The following NRG2 variants were observed in gnomAD, a reference collection of about 807,000 sequenced individuals.
The protein encoded by NRG2 is pro-neuregulin-2, membrane-bound isoform.
NRG2 carries 27 observed loss-of-function variants against 73.9 expected under a neutral mutation model. The observed-to-expected ratio is 0.37, with a 90% CI of 0.27 to 0.50. NRG2 has a LOEUF of 0.50. Ranked by LOEUF, NRG2 falls within the 20% of genes least tolerant of loss-of-function variation. The pLI is 0.96. For synonymous variants in NRG2, 532 were observed against 541.0 expected, an observed-to-expected ratio of 0.98 and a Z score of 0.23; for missense variants, 1,126 against 1,210.1, an observed-to-expected ratio of 0.93 and a Z score of 1.03.
At chr5:139,896,093 G>A (rs1297140560) in intron 1 of NRG2, among the ~76,000 whole-genome samples, 1 of 152,122 alleles carries the variant, frequency 6.6e-6, no homozygotes, top group Admixed American at 6.5e-5. Flanking sequence ...GTTGGGGAAA[G>A]GGGGAGGCAC....
chr5:140,039,808 G>T (rs140737417), intron 1 of NRG2, among the ~76,000 whole-genome samples: 1 of 152,292 alleles, frequency 6.6e-6, no homozygotes, highest in East Asian at 1.9e-4. Flanking sequence ...AACCTCAGTT[G>T]CTCAATGTAA....
intron 1 of NRG2, among the ~76,000 whole-genome samples, chr5:139,957,580 C>T (rs1754734351): frequency 6.6e-6 from 1 of 152,178 alleles, no homozygotes; most frequent in Admixed American, 6.5e-5. Context: ...ACCTCTTCCC[C>T]ACTCTGTTCC....
At position 139,894,588 on chromosome 5, in the gene NRG2, G is replaced by A. The variant is rs909029556; in HGVS notation, c.701-7077C>T. On this transcript the variant is annotated intron_variant, in intron 1 of 9. Coordinates refer to ENST00000361474, the MANE Select transcript of NRG2 (RefSeq NM_004883.3). This position sits in a 1 kb window ranked among gnomAD's most constrained non-coding sequence, Gnocchi z 5.0. The stretch of plus-strand genomic sequence containing the variant: ...CTCACAGGACAGACTCCCAAAGGGA[G>A]TGTATGCCCAGCTGGGCTGCTTAGC... 3.3e-5 allele frequency among the ~76,000 whole-genome samples: 5 copies of A among 152,182 alleles called. No individual in the cohort carries two copies. Among genetic ancestry groups the A allele is most frequent in the African/African-American group, 4.8e-5 (2 of 41,460 alleles).
intron 1 of NRG2, among the ~76,000 whole-genome samples, chr5:139,985,002 T>C (rs1225481867): frequency 6.6e-6 from 1 of 152,168 alleles, no homozygotes; most frequent in Non-Finnish European, 1.5e-5. Context: ...TGACCTCACT[T>C]AGGGCCAAAC....
chr5:139,999,477 C>G (rs559185641), intron 1 of NRG2, among the ~76,000 whole-genome samples: 14 of 152,306 alleles, frequency 9.2e-5, no homozygotes, highest in Non-Finnish European at 1.8e-4. Flanking sequence ...TCCACCAGGT[C>G]CAGTTATTCA....
In NRG2 at chr5:139,868,199, G is replaced by A. The variant is rs2127062725; in HGVS notation, c.1113-2574C>T. 6.6e-6 allele frequency among the ~76,000 whole-genome samples: 1 copy of A among 152,238 alleles called. No homozygotes were observed. Among genetic ancestry groups the A allele is most frequent in the South Asian group, 2.1e-4 (1 of 4,824 alleles). On this transcript the variant is annotated intron_variant, in intron 4 of 9. Coordinates refer to ENST00000361474, the MANE Select transcript of NRG2 (RefSeq NM_004883.3). This position sits in a 1 kb window ranked among gnomAD's most constrained non-coding sequence, Gnocchi z 4.2. ...TGCTAGCTCCTTCAGGGACCTCCTG[G>A]ACACTCCTATGTCTCTCCTTAGTCC...
chr5:139,853,049 G>C lies in NRG2; in HGVS notation c.1293-22C>G, dbSNP rs201031001. ...TTTTCTGCACAAGGGAAGGGAAGGTGAGGCTGGCATTCCCCCCACTCGCCA... is the reference window on the plus strand; with the variant it reads ...TTTTCTGCACAAGGGAAGGGAAGGTCAGGCTGGCATTCCCCCCACTCGCCA... On this transcript the variant is annotated intron_variant, in intron 6 of 9. Transcript: ENST00000361474. This position sits in a 1 kb window ranked among gnomAD's most constrained non-coding sequence, Gnocchi z 4.1. 1.9e-5 allele frequency: 31 copies of C among 1,612,568 alleles called. No homozygotes were observed. The highest frequency in any genetic ancestry group is 2.5e-5 in the Non-Finnish European group (30 of 1,179,502).
At chr5:139,947,871 G>A (rs764286559) in intron 1 of NRG2, among the ~76,000 whole-genome samples, 1 of 152,134 alleles carries the variant, frequency 6.6e-6, no homozygotes, top group South Asian at 2.1e-4. Context: ...TGCCTGTTTA[G>A]ATCCTTTACC....
intron 1 of NRG2, among the ~76,000 whole-genome samples, chr5:139,950,962 A>G (rs1466620827): frequency 6.6e-6 from 1 of 152,176 alleles, no homozygotes; most frequent in East Asian, 1.9e-4. Context: ...GCTCCCATAT[A>G]TTGATCATCT....
At chr5:139,945,679 G>A (rs986335025) in intron 1 of NRG2, among the ~76,000 whole-genome samples, 2 of 151,768 alleles carry the variant, frequency 1.3e-5, no homozygotes, top group African/African-American at 4.8e-5. Flanking sequence ...TTGATAGGTA[G>A]ATGAAATAAT....
At chr5:139,908,037 A>G (rs1314113942) in intron 1 of NRG2, among the ~76,000 whole-genome samples, 1 of 152,274 alleles carries the variant, frequency 6.6e-6, no homozygotes, top group Non-Finnish European at 1.5e-5. Context: ...GAGGAAACAA[A>G]GGCTAGGAGT....
chr5:139,902,831 G>A (rs1764975865), intron 1 of NRG2, among the ~76,000 whole-genome samples: 1 of 152,226 alleles, frequency 6.6e-6, no homozygotes, highest in African/African-American at 2.4e-5. Context: ...CCACACTGCA[G>A]GAGCCCAGCT....
At chr5:139,995,777 G>A (rs943616847) in intron 1 of NRG2, among the ~76,000 whole-genome samples, 5 of 152,200 alleles carry the variant, frequency 3.3e-5, no homozygotes, top group African/African-American at 1.2e-4. Flanking sequence ...GCTTCGGGAG[G>A]CTGAGGAGGG....
chr5:139,924,806 G>A (rs1010221763), intron 1 of NRG2, among the ~76,000 whole-genome samples: 2 of 152,168 alleles, frequency 1.3e-5, no homozygotes, highest in African/African-American at 2.4e-5. Flanking sequence ...CCGGGGCCTC[G>A]CTGAGGTCTC....
intron 3 of NRG2, among the ~76,000 whole-genome samples, chr5:139,876,547 G>C (rs1763184301): frequency 6.6e-6 from 1 of 152,138 alleles, no homozygotes; most frequent in South Asian, 2.1e-4. Flanking sequence ...AAGTTTTGAT[G>C]AACCGTTAGT....
rs1475663168 is a variant in NRG2, at chr5:139,915,354, T to TG, written c.701-27844dup. On this transcript the variant is annotated intron_variant, in intron 1 of 9. Coordinates refer to ENST00000361474, the MANE Select transcript of NRG2 (RefSeq NM_004883.3). This position sits in a 1 kb window ranked among gnomAD's most constrained non-coding sequence, Gnocchi z 4.0. Reference sequence around the variant, plus strand: ...ATGGGATTGGGAGAGCATTTCTGCTTGGGGTCACCAGTTGAAATGAGGATT... The same window carrying TG: ...ATGGGATTGGGAGAGCATTTCTGCTTGGGGGTCACCAGTTGAAATGAGGATT... 6.6e-6 allele frequency among the ~76,000 whole-genome samples: 1 copy of TG among 152,176 alleles called. No individual in the cohort carries two copies. The highest frequency in any genetic ancestry group is 1.9e-4 in the East Asian group (1 of 5,192).
At chr5:140,040,688 T>G (rs1024471237) in intron 1 of NRG2, among the ~76,000 whole-genome samples, 6 of 152,108 alleles carry the variant, frequency 3.9e-5, no homozygotes, top group Non-Finnish European at 7.4e-5. Flanking sequence ...CAATAAATAT[T>G]TTTACTATCT....
chr5:139,904,159 C>T lies in NRG2; in HGVS notation c.701-16648G>A. 1 of 728,532 alleles carries T rather than the reference C, an allele frequency of 1.4e-6. No individual in the cohort carries two copies. The highest frequency in any genetic ancestry group is 2.0e-6 in the Non-Finnish European group (1 of 512,592). 45.1% of individuals were successfully genotyped at this position (728,532 alleles called of 1,614,324 possible). A position where few individuals can be genotyped will look rare whatever the true frequency, so the allele number is the denominator to read the frequency against. ...GCTCTCCCGGCCGCGACGACCCGCT[C>T]GCACGCAGGCACGCGCGCCCTCGGT... On this transcript the variant is annotated intron_variant, in intron 1 of 9. Coordinates refer to ENST00000361474, the MANE Select transcript of NRG2 (RefSeq NM_004883.3). This position sits in a 1 kb window ranked among gnomAD's most constrained non-coding sequence, Gnocchi z 6.0.
At chr5:139,938,454 TCAAA>T (rs1402841575) in intron 1 of NRG2, among the ~76,000 whole-genome samples, 1 of 151,872 alleles carries the variant, frequency 6.6e-6, no homozygotes, top group Non-Finnish European at 1.5e-5. Context: ...TCTCCCGGGC[TCAAA>T]CAGTCCTCCC....
Sources: allele counts gnomAD v4.1 joint callset (sites outside exome capture counted in the v4.1 genomes callset), GRCh38; gene constraint gnomAD v4.1.1; non-coding constraint Gnocchi (gnomAD v3.1); transcripts MANE v1.5; gene names NCBI Gene and HGNC (gene_info 2026-07-23, HGNC 2026-07-21).